Variants in CCSER1 observed in about 807,000 individuals in gnomAD.
CCSER1 encodes coiled-coil serine rich protein 1.
CCSER1 carries 41 observed loss-of-function variants against 82.0 expected under a neutral mutation model. The observed-to-expected ratio is 0.50, with a 90% CI of 0.39 to 0.65. CCSER1 has a LOEUF of 0.65. Ranked by LOEUF, CCSER1 falls within the 30% of genes least tolerant of loss-of-function variation. CCSER1 has a pLI of 0.00. For synonymous variants in CCSER1, 414 were observed against 383.9 expected (o/e 1.08, Z -0.92); for missense variants, 1,119 against 1,064.2 (o/e 1.05, Z -0.72).
At chr4:90,654,706 A>C (rs187564864) in intron 6 of CCSER1, among the ~76,000 whole-genome samples, 18 of 152,172 alleles carry the variant, frequency 1.2e-4, no homozygotes, top group African/African-American at 4.3e-4. Flanking sequence ...TTCTTGGGCT[A>C]TATTATTTAT....
intron 5 of CCSER1, among the ~76,000 whole-genome samples, chr4:90,559,449 T>C (rs1778477676): frequency 1.3e-5 from 2 of 152,038 alleles, no homozygotes; most frequent in Admixed American, 1.3e-4. Context: ...GTGGGGGACT[T>C]GGCCTTTATA....
At chr4:90,425,059 C>T (rs908003293) in intron 4 of CCSER1, among the ~76,000 whole-genome samples, 2 of 152,140 alleles carry the variant, frequency 1.3e-5, no homozygotes, top group African/African-American at 4.8e-5. Flanking sequence ...TGGTCTTTTA[C>T]GGCCCTTGGT....
chr4:91,355,418 G>C (rs1011972817), intron 10 of CCSER1, among the ~76,000 whole-genome samples: 2 of 152,040 alleles, frequency 1.3e-5, no homozygotes, highest in Non-Finnish European at 2.9e-5. Flanking sequence ...GGCTTAAAAT[G>C]GGTCATAACA....
chr4:90,551,075 C>T (rs1436286450), intron 5 of CCSER1, among the ~76,000 whole-genome samples: 1 of 152,112 alleles, frequency 6.6e-6, no homozygotes, highest in Non-Finnish European at 1.5e-5. Context: ...TGTGGTGTTT[C>T]AGCATATTTT....
At chr4:90,428,502 T>C (rs907694291) in intron 4 of CCSER1, among the ~76,000 whole-genome samples, 2 of 151,878 alleles carry the variant, frequency 1.3e-5, no homozygotes, top group Non-Finnish European at 2.9e-5. Flanking sequence ...GTTAAGTGTA[T>C]TATATGCTGT....
chr4:90,443,609 T>A (rs930047710), intron 4 of CCSER1, among the ~76,000 whole-genome samples: 2 of 152,114 alleles, frequency 1.3e-5, no homozygotes, highest in Non-Finnish European at 2.9e-5. Flanking sequence ...GACTACTGCA[T>A]AAGAGTAGAA....
At chr4:90,490,139 C>T (rs1056970684) in intron 5 of CCSER1, among the ~76,000 whole-genome samples, 2 of 152,202 alleles carry the variant, frequency 1.3e-5, no homozygotes, top group African/African-American at 4.8e-5. Context: ...GTCCCACCAA[C>T]AGTGTCAAAG....
chr4:91,180,220 A>G (rs1733865891), intron 10 of CCSER1, among the ~76,000 whole-genome samples: 1 of 152,160 alleles, frequency 6.6e-6, no homozygotes, highest in Non-Finnish European at 1.5e-5. Flanking sequence ...GTCAGCTGCT[A>G]CTGGGAGTTG....
chr4:91,537,400 A>AC (rs1395306777), intron 10 of CCSER1, among the ~76,000 whole-genome samples: 2 of 152,112 alleles, frequency 1.3e-5, no homozygotes, highest in Admixed American at 1.3e-4. Flanking sequence ...GTTGCCTGCT[A>AC]TAGATGCCAT....
intron 1 of CCSER1, among the ~76,000 whole-genome samples, chr4:90,210,064 T>C (rs1367037749): frequency 6.6e-6 from 1 of 152,232 alleles, no homozygotes; most frequent in Non-Finnish European, 1.5e-5. Context: ...TGCATAATAC[T>C]AACTGGAGGA....
At chr4:91,446,711 T>C (rs1298114687) in intron 10 of CCSER1, among the ~76,000 whole-genome samples, 1 of 147,614 alleles carries the variant, frequency 6.8e-6, no homozygotes, top group East Asian at 2.0e-4. Context: ...TGCATCCTTT[T>C]TACTTGATAT....
intron 10 of CCSER1, among the ~76,000 whole-genome samples, chr4:91,087,314 T>C (rs2148819058): frequency 6.6e-6 from 1 of 152,256 alleles, no homozygotes; most frequent in South Asian, 2.1e-4. Context: ...CTGAAATCTA[T>C]ATATCCGTAC....
At chr4:91,435,211 G>A (rs1481834866) in intron 10 of CCSER1, among the ~76,000 whole-genome samples, 1 of 152,152 alleles carries the variant, frequency 6.6e-6, no homozygotes, top group Non-Finnish European at 1.5e-5. Flanking sequence ...AGGCTGAGGT[G>A]GGAGAATCAC....
chr4:91,355,596 C>T (rs1748770065), intron 10 of CCSER1, among the ~76,000 whole-genome samples: 2 of 152,138 alleles, frequency 1.3e-5, no homozygotes, highest in Non-Finnish European at 2.9e-5. Flanking sequence ...GAACAGTTCT[C>T]AGTCTGACGA....
At chr4:91,432,574 C>G (rs1299800418) in intron 10 of CCSER1, among the ~76,000 whole-genome samples, 1 of 152,046 alleles carries the variant, frequency 6.6e-6, no homozygotes, top group Admixed American at 6.6e-5. Context: ...AACTTCCATA[C>G]TTTTATTAAC....
chr4:90,189,703 T>A (rs1199088228), intron 1 of CCSER1, among the ~76,000 whole-genome samples: 1 of 151,958 alleles, frequency 6.6e-6, no homozygotes, highest in Non-Finnish European at 1.5e-5. Flanking sequence ...AACATATACC[T>A]ATTTACTTTT....
At chr4:90,540,237 T>C (rs1775938875) in intron 5 of CCSER1, among the ~76,000 whole-genome samples, 1 of 152,112 alleles carries the variant, frequency 6.6e-6, no homozygotes, top group Admixed American at 6.6e-5. Context: ...GTGAAATAGA[T>C]TTTTCTAGTA....
At chr4:90,553,448 A>C (rs1372258788) in intron 5 of CCSER1, among the ~76,000 whole-genome samples, 6 of 152,334 alleles carry the variant, frequency 3.9e-5, no homozygotes, top group African/African-American at 1.2e-4. Context: ...TAAATTACTT[A>C]ATATTATTTC....
chr4:90,371,621 A>G (rs959857169), intron 3 of CCSER1, among the ~76,000 whole-genome samples: 12 of 152,314 alleles, frequency 7.9e-5, no homozygotes, highest in African/African-American at 1.9e-4. Flanking sequence ...TATAATCAAC[A>G]TCATAATTAG....
Sources: gnomAD v4.1 joint callset for allele counts (sites outside exome capture counted in the v4.1 genomes callset) on GRCh38, gnomAD v4.1.1 for gene constraint, MANE v1.5 for transcripts, NCBI Gene and HGNC (gene_info 2026-07-23, HGNC 2026-07-21) for gene names.